Variants in DNAJA3 observed in about 807,000 individuals in gnomAD.
DNAJA3 encodes DnaJ heat shock protein family (Hsp40) member A3, also known as dnaJ homolog subfamily A member 3, mitochondrial.
DNAJA3 carries 29 observed loss-of-function variants against 54.9 expected under a neutral mutation model. The ratio of observed to expected loss-of-function variants is 0.53; its 90% CI spans 0.39 to 0.72. DNAJA3 has a LOEUF of 0.72. Among genes scored for constraint, DNAJA3 ranks in the 30% least tolerant of loss-of-function variants. DNAJA3 has a pLI of 0.00. For synonymous variants in DNAJA3, 302 were observed against 251.4 expected (o/e 1.20, Z -1.90); for missense variants, 708 against 639.4 (o/e 1.11, Z -1.16).
rs2056834303 is a variant in DNAJA3 at position 4,441,402 on chromosome 16, C to G, written c.457C>G (p.Gln153Glu). The change falls in exon 4 of 12, where the codon CAG becomes GAG. Residue 153 changes from glutamine (Q) to glutamate (E), a missense_variant. Gln to Glu is a conservative substitution (Grantham distance 29). Coordinates refer to ENST00000262375, the MANE Select transcript of DNAJA3 (RefSeq NM_005147.6). ...EVLSDEVKRK[Q>E]YDAYGSAGFD... ...TTTGAGTGATGAGGTGAAGAGGAAGCAGTACGATGCCTACGGCTCTGCAGG... is the reference window on the plus strand; with the variant it reads ...TTTGAGTGATGAGGTGAAGAGGAAGGAGTACGATGCCTACGGCTCTGCAGG... 8 of 1,613,774 alleles carry G rather than the reference C, an allele frequency of 5.0e-6. No individual in the cohort carries two copies. The East Asian group carries it at 1.3e-4, about 27-fold the overall frequency.
At position 4,443,034 on chromosome 16, in the gene DNAJA3, C is replaced by T; in HGVS notation, c.801C>T (p.Gly267=). 1 of 1,614,090 alleles carries T rather than the reference C, an allele frequency of 6.2e-7. No homozygotes were observed. Among genetic ancestry groups the T allele is most frequent in the Non-Finnish European group, 8.5e-7 (1 of 1,180,006 alleles). Residue 267 remains glycine, a synonymous_variant, in exon 6 of 12, where the codon GGC becomes GGT. Coordinates refer to ENST00000262375, the MANE Select transcript of DNAJA3 (RefSeq NM_005147.6). Reference sequence around the variant, plus strand: ...TTTATCAGGAAACCATCAACACAGGCCCTTTTGTGATGCGTTCCACGTGTA... The same window carrying T: ...TTTATCAGGAAACCATCAACACAGGTCCTTTTGTGATGCGTTCCACGTGTA... The part of the protein sequence containing the change: ...GGSGMETINT[G]PFVMRSTCRR...
At chr16:4,455,060 C>T (rs2057019810) in intron 11 of DNAJA3, 133 bp downstream of exon 11, 1 of 659,384 alleles carries the variant, frequency 1.5e-6, no homozygotes, top group African/African-American at 1.8e-5. Context: ...GTGTGGTAAA[C>T]CTAGCTCCAC....
At chr16:4,450,902 A>C (rs981360375) in intron 10 of DNAJA3, among the ~76,000 whole-genome samples, 1 of 152,066 alleles carries the variant, frequency 6.6e-6, no homozygotes, top group Admixed American at 6.5e-5. Flanking sequence ...CACCTGGGAC[A>C]CTCCGCCAGG....
chr16:4,439,201 A>G (rs1204354065), intron 3 of DNAJA3, among the ~76,000 whole-genome samples: 1 of 152,014 alleles, frequency 6.6e-6, no homozygotes, highest in East Asian at 1.9e-4. Flanking sequence ...TCTCTACTAA[A>G]AATACAAAAA....
chr16:4,447,178 C>A, intron 8 of DNAJA3, 164 bp downstream of exon 8: 1 of 738,336 alleles, frequency 1.4e-6, no homozygotes, highest in Non-Finnish European at 2.2e-6. Flanking sequence ...TGAGTGTGGA[C>A]CACAAGCCAC....
chr16:4,434,059 AAC>A, intron 1 of DNAJA3: 1 of 298,030 alleles, frequency 3.4e-6, no homozygotes, highest in South Asian at 3.8e-5. Flanking sequence ...AGGGGAAGCA[AAC>A]ACATCCTTCT....
At chr16:4,450,586 C>T (rs903651513) in intron 10 of DNAJA3, 89 bp downstream of exon 10, 1 of 1,010,278 alleles carries the variant, frequency 9.9e-7, no homozygotes, top group Admixed American at 2.7e-5. Flanking sequence ...TTGGGGTTTC[C>T]ACTTCGGGTT....
intron 10 of DNAJA3, among the ~76,000 whole-genome samples, chr16:4,452,729 C>T (rs2056992316): frequency 6.6e-6 from 1 of 152,112 alleles, no homozygotes; most frequent in Non-Finnish European, 1.5e-5. Flanking sequence ...GGCAATATAG[C>T]GAGACTCTGT....
rs771039488 is a variant in DNAJA3 at position 4,448,729 on chromosome 16, A to G, written c.1126-4A>G. 5 of 1,610,428 alleles carry G rather than the reference A, an allele frequency of 3.1e-6. No homozygotes were observed. Among genetic ancestry groups the G allele is most frequent in the Non-Finnish European group, 4.2e-6 (5 of 1,177,080 alleles). ...GGGAAACCACAGATTTTCTTTCTTT[A>G]TAGATCCCCCCTGGGACTCAGACAG... is the stretch of plus-strand genomic sequence containing the variant. On this transcript the variant is annotated splice_region_variant and splice_polypyrimidine_tract_variant and intron_variant, in intron 8 of 11. Coordinates refer to ENST00000262375, the MANE Select transcript of DNAJA3 (RefSeq NM_005147.6).
intron 5 of DNAJA3, 76 bp from the exon 6 acceptor site, chr16:4,442,941 T>TA (rs761259220): frequency 1.2e-5 from 18 of 1,521,934 alleles, no homozygotes; most frequent in Middle Eastern, 1.7e-4. Flanking sequence ...ACATTTTTCT[T>TA]ACGCACATTG....
At chr16:4,442,458 C>G in intron 5 of DNAJA3, 38 bp downstream of exon 5, 2 of 1,536,810 alleles carry the variant, frequency 1.3e-6, no homozygotes, top group Non-Finnish European at 1.8e-6. Context: ...CCACGGCTTG[C>G]ACCACTGACT....
At chr16:4,431,295 A>G (rs771716676) in intron 1 of DNAJA3, among the ~76,000 whole-genome samples, 20 of 152,232 alleles carry the variant, frequency 1.3e-4, no homozygotes, top group Admixed American at 3.9e-4. Flanking sequence ...TACAAGTTCA[A>G]TAATAAGTCA....
In DNAJA3 at chr16:4,456,039, C is replaced by G. The variant is rs2057031611; in HGVS notation, c.*507C>G. On this transcript the variant is annotated 3_prime_UTR_variant, in exon 12 of 12. Transcript: ENST00000262375. ...GCCCCCAGGCCCCACCAGCACCGTCCTCCCCTAATGAGGGGCCCTGCCGAG... is the reference window on the plus strand; with the variant it reads ...GCCCCCAGGCCCCACCAGCACCGTCGTCCCCTAATGAGGGGCCCTGCCGAG... 5.9e-6 allele frequency: 1 copy of G among 170,564 alleles called. No individual in the cohort carries two copies. The highest frequency in any genetic ancestry group is 2.4e-5 in the African/African-American group (1 of 42,064). The allele number at this position is 170,564 out of a possible 1,614,324, so 10.6% of individuals were successfully genotyped here.
intron 3 of DNAJA3, 112 bp from the exon 4 acceptor site, chr16:4,441,263 A>C (rs1179278625): frequency 1.0e-6 from 1 of 1,000,110 alleles, no homozygotes; most frequent in Non-Finnish European, 1.5e-6. Flanking sequence ...ATGTGTTTGC[A>C]CACAGGGCCA....
At chr16:4,443,212 G>C in intron 6 of DNAJA3, 48 bp downstream of exon 6, 1 of 1,607,212 alleles carries the variant, frequency 6.2e-7, no homozygotes, top group Non-Finnish European at 8.5e-7. Flanking sequence ...AGGGCAGACA[G>C]GGTTGAGGCT....
rs1468627504 is a variant in DNAJA3, at chr16:4,452,432, C to CA, written c.1339+1936dup. ...CTGTTGGAGGTTGGGTATTACTGGT[C>CA]ACCAGTTGATGTTTTGACCCTCTCT... is the stretch of plus-strand genomic sequence containing the variant. On this transcript the variant is annotated intron_variant, in intron 10 of 11. Coordinates refer to ENST00000262375, the MANE Select transcript of DNAJA3 (RefSeq NM_005147.6). 2.6e-5 allele frequency among the ~76,000 whole-genome samples: 4 copies of CA among 152,214 alleles called. No individual in the cohort carries two copies. In the East Asian group the frequency reaches 7.7e-4, roughly 29 times the overall value.
intron 2 of DNAJA3, among the ~76,000 whole-genome samples, chr16:4,436,680 C>T (rs1312881954): frequency 3.3e-5 from 5 of 151,962 alleles, no homozygotes; most frequent in East Asian, 1.9e-4. Flanking sequence ...TGTTTATAGG[C>T]GCGTGTGACC....
intron 9 of DNAJA3, chr16:4,449,747 AC>A (rs1216558935): frequency 1.3e-5 from 2 of 151,766 alleles, no homozygotes; most frequent in Non-Finnish European, 2.9e-5. Context: ...TGCTGTGGGT[AC>A]CTAGGGCGGG....
At chr16:4,453,552 C>T (rs1038811107) in intron 10 of DNAJA3, among the ~76,000 whole-genome samples, 8 of 152,104 alleles carry the variant, frequency 5.3e-5, no homozygotes, top group Admixed American at 4.6e-4. Context: ...CCAATTCTGC[C>T]TCAGCCTCCC....
Sources: gnomAD v4.1 joint callset for allele counts (sites outside exome capture counted in the v4.1 genomes callset) on GRCh38, gnomAD v4.1.1 for gene constraint, MANE v1.5 for transcripts, NCBI Gene and HGNC (gene_info 2026-07-23, HGNC 2026-07-21) for gene names.